Variants in CCSER1 observed in about 807,000 individuals in gnomAD.
CCSER1 encodes serine-rich coiled-coil domain-containing protein 1.
In CCSER1, 41 loss-of-function variants were observed where a neutral mutation model predicts 82.0. The observed-to-expected ratio is 0.50, with a 90% confidence interval of 0.39 to 0.65. CCSER1 has a LOEUF of 0.65. Among genes scored for constraint, CCSER1 ranks in the 30% least tolerant of loss-of-function variants. The probability of loss-of-function intolerance (pLI) is 0.00; values close to 1 mark genes in which losing one functional copy is unlikely to be tolerated. For synonymous variants in CCSER1, 414 were observed against 383.9 expected, an observed-to-expected ratio of 1.08 and a Z score of -0.92; for missense variants, 1,119 against 1,064.2, an observed-to-expected ratio of 1.05 and a Z score of -0.72.
intron 7 of CCSER1, among the ~76,000 whole-genome samples, chr4:90,782,269 C>T (rs1386786919): frequency 6.6e-6 from 1 of 152,118 alleles, no homozygotes; most frequent in Non-Finnish European, 1.5e-5. Flanking sequence ...AAATAAAAAT[C>T]AATTTTAACT....
intron 10 of CCSER1, among the ~76,000 whole-genome samples, chr4:91,203,575 G>A (rs1736103236): frequency 2.0e-5 from 3 of 151,632 alleles, no homozygotes; most frequent in African/African-American, 7.3e-5. Context: ...AAATAGATCT[G>A]TATATACATG....
chr4:90,882,820 A>G (rs1335199030), intron 8 of CCSER1, among the ~76,000 whole-genome samples: 4 of 152,042 alleles, frequency 2.6e-5, no homozygotes, highest in Admixed American at 1.3e-4. Flanking sequence ...TAGGTTACAT[A>G]ATTTCTCGGT....
chr4:90,921,411 T>C (rs1381401327), intron 8 of CCSER1, among the ~76,000 whole-genome samples: 3 of 151,968 alleles, frequency 2.0e-5, no homozygotes, highest in Admixed American at 1.3e-4. Flanking sequence ...AACACATCAT[T>C]TGTTGTGATT....
chr4:90,620,747 A>G (rs910051888), intron 5 of CCSER1, among the ~76,000 whole-genome samples: 2 of 152,212 alleles, frequency 1.3e-5, no homozygotes, highest in African/African-American at 4.8e-5. Context: ...TTGTCTAACA[A>G]GAAGAGGTAG....
intron 3 of CCSER1, among the ~76,000 whole-genome samples, chr4:90,317,154 A>G (rs1301744713): frequency 5.3e-5 from 8 of 152,206 alleles, no homozygotes; most frequent in East Asian, 1.9e-4. Flanking sequence ...GGGTTCTCCA[A>G]TGGCTTTACA....
intron 8 of CCSER1, among the ~76,000 whole-genome samples, chr4:90,851,035 T>A (rs1006370810): frequency 6.6e-5 from 10 of 152,134 alleles, no homozygotes; most frequent in Non-Finnish European, 1.5e-4. Flanking sequence ...ATGTGATGGT[T>A]TTAAAAGGGG....
chr4:91,112,480 T>A (rs1726176895), intron 10 of CCSER1: 1 of 152,172 alleles, frequency 6.6e-6, no homozygotes, highest in Non-Finnish European at 1.5e-5. Flanking sequence ...ATTGATAATC[T>A]TTATTATCTT....
At chr4:91,378,010 C>A (rs1750561089) in intron 10 of CCSER1, among the ~76,000 whole-genome samples, 1 of 152,182 alleles carries the variant, frequency 6.6e-6, no homozygotes, top group Non-Finnish European at 1.5e-5. Context: ...ATATAGAATT[C>A]TTTCCCCATT....
intron 10 of CCSER1, among the ~76,000 whole-genome samples, chr4:91,117,964 T>A (rs1726770090): frequency 6.6e-6 from 1 of 152,216 alleles, no homozygotes; most frequent in African/African-American, 2.4e-5. Context: ...TCTTTGATAT[T>A]TTAAAATATA....
intron 7 of CCSER1, among the ~76,000 whole-genome samples, chr4:90,803,041 G>C (rs1208015822): frequency 1.3e-5 from 2 of 152,032 alleles, no homozygotes; most frequent in Non-Finnish European, 2.9e-5. Context: ...AAGCCCTCCA[G>C]AGAGAAGACC....
intron 10 of CCSER1, among the ~76,000 whole-genome samples, chr4:91,326,958 G>A (rs535343558): frequency 1.3e-5 from 2 of 152,294 alleles, no homozygotes; most frequent in East Asian, 1.9e-4. Context: ...CCAAGGCCTT[G>A]GGCAGCTCTG....
In CCSER1 at chr4:91,252,863, T is replaced by C. The variant is rs73836898; in HGVS notation, c.2217+166869T>C. ...AAACCCAACTGAACACAAAGGAAGATAGTAATGCAGGAAATGAGGGACAAG... is the reference window on the plus strand; with the variant it reads ...AAACCCAACTGAACACAAAGGAAGACAGTAATGCAGGAAATGAGGGACAAG... On this transcript the variant is annotated intron_variant, in intron 10 of 10. Transcript: ENST00000509176. Among the ~76,000 whole-genome samples the C allele has an allele frequency of 2.9e-3, 440 of 152,136 alleles. 2 individuals are homozygous for C. The highest frequency in any genetic ancestry group is 0.01 in the African/African-American group (428 of 41,480).
intron 3 of CCSER1, among the ~76,000 whole-genome samples, chr4:90,391,486 ACACACACACAGTGGG>A (rs1280093555): frequency 6.1e-4 from 45 of 73,858 alleles, no homozygotes; most frequent in African/African-American, 3.5e-3. Context: ...ATATATATAT[ACACACACACAGTGGG>A]TAAATATATA....
At chr4:91,422,773 A>G (rs1339881694) in intron 10 of CCSER1, among the ~76,000 whole-genome samples, 1 of 152,194 alleles carries the variant, frequency 6.6e-6, no homozygotes, top group Non-Finnish European at 1.5e-5. Flanking sequence ...ACCAAAAAGA[A>G]GCAAAGCATA....
intron 8 of CCSER1, among the ~76,000 whole-genome samples, chr4:90,908,105 C>G (rs1213630829): frequency 6.6e-6 from 1 of 152,076 alleles, no homozygotes; most frequent in Non-Finnish European, 1.5e-5. Flanking sequence ...AACTTAAATA[C>G]TAGTGCAGAA....
chr4:90,847,022 C>G (rs1159435000), intron 8 of CCSER1, among the ~76,000 whole-genome samples: 1 of 152,160 alleles, frequency 6.6e-6, no homozygotes, highest in African/African-American at 2.4e-5. Flanking sequence ...TGTCTTCGTT[C>G]CCTCTGAAAC....
intron 10 of CCSER1, among the ~76,000 whole-genome samples, chr4:91,474,790 TATATATATATATATATATATATACAC>T (rs1757481888): frequency 1.9e-5 from 1 of 52,528 alleles, no homozygotes. Flanking sequence ...TATTTGTGTA[TATATATATATATATATATATATACAC>T]ACACACACAC....
intron 10 of CCSER1, among the ~76,000 whole-genome samples, chr4:91,354,031 G>A (rs1272469155): frequency 6.6e-6 from 1 of 152,186 alleles, no homozygotes; most frequent in African/African-American, 2.4e-5. Context: ...TTAGCAAGTA[G>A]TAAGAGCTAG....
intron 7 of CCSER1, among the ~76,000 whole-genome samples, chr4:90,737,333 G>A (rs1003493749): frequency 6.6e-6 from 1 of 152,076 alleles, no homozygotes; most frequent in Non-Finnish European, 1.5e-5. Context: ...TCTTTTGTTT[G>A]ACTGAGAACA....
Sources: gnomAD v4.1 joint callset for allele counts (sites outside exome capture counted in the v4.1 genomes callset) on GRCh38, gnomAD v4.1.1 for gene constraint, MANE v1.5 for transcripts, NCBI Gene and HGNC (gene_info 2026-07-23, HGNC 2026-07-21) for gene names.